SYNPO2: variants seen among roughly 807,000 people sequenced by gnomAD.
SYNPO2 encodes the protein synaptopodin-2.
In SYNPO2, 56 loss-of-function variants were observed where a neutral mutation model predicts 85.0. The observed-to-expected ratio is 0.66, with a 90% CI of 0.53 to 0.82. The LOEUF (loss-of-function observed/expected upper bound fraction) is 0.82, where lower values mean the gene tolerates loss of function less well. SYNPO2 is among the 40% of genes least tolerant of loss of function. The pLI is 0.00. For missense variants in SYNPO2, 1,575 were observed against 1,534.2 expected (o/e 1.03, Z -0.44); for synonymous variants, 602 against 591.1 (o/e 1.02, Z -0.27).
chr4:118,967,354 A>T (rs906858367), intron 1 of SYNPO2, among the ~76,000 whole-genome samples: 1 of 152,346 alleles, frequency 6.6e-6, no homozygotes, highest in South Asian at 2.1e-4. Context: ...TAGCTCTGAC[A>T]TTCCCTGAGA....
chr4:118,881,862 T>C (rs1277066393), intron 1 of SYNPO2, among the ~76,000 whole-genome samples: 2 of 152,230 alleles, frequency 1.3e-5, no homozygotes, highest in African/African-American at 4.8e-5. Context: ...GTTTCATTCC[T>C]GGAAACCACA....
chr4:119,025,436 C>A (rs182306109), intron 2 of SYNPO2, among the ~76,000 whole-genome samples: 2 of 152,058 alleles, frequency 1.3e-5, no homozygotes, highest in African/African-American at 2.4e-5. Context: ...CAATTACTTG[C>A]GTATAGAGAA....
At chr4:118,961,258 G>T (rs2149148166) in intron 1 of SYNPO2, among the ~76,000 whole-genome samples, 1 of 152,164 alleles carries the variant, frequency 6.6e-6, no homozygotes, top group East Asian at 1.9e-4. Context: ...CAGAGAATGA[G>T]ATGTCACTAG....
At chr4:118,874,046 G>A (rs1731853330) in intron 1 of SYNPO2, among the ~76,000 whole-genome samples, 1 of 152,076 alleles carries the variant, frequency 6.6e-6, no homozygotes, top group African/African-American at 2.4e-5. Context: ...TTTTATTTCT[G>A]GGTTCTCCAT....
rs545842197 is a variant in SYNPO2, at chr4:118,948,652, C to T, written c.105+59511C>T. On this transcript the variant is annotated intron_variant, in intron 1 of 4. Transcript: ENST00000307142. ...GGGGAAGGGGAGCAGGCATCAATTG[C>T]GAAGGAAAAAGAGAGAGGAAAGAGG... Among the ~76,000 whole-genome samples the T allele has an allele frequency of 2.6e-5, 4 of 151,852 alleles. No individual in the cohort carries two copies. The East Asian group carries it at 5.8e-4, about 22-fold the overall frequency.
chr4:119,051,191 T>TTTTG (rs1739028115), intron 4 of SYNPO2, among the ~76,000 whole-genome samples: 4 of 135,404 alleles, frequency 3.0e-5, no homozygotes, highest in African/African-American at 5.5e-5. Flanking sequence ...AAGCAATTTT[T>TTTTG]TTTTTTTTTT....
intron 3 of SYNPO2, among the ~76,000 whole-genome samples, chr4:119,028,218 G>GTTTTT (rs1294524372): frequency 9.2e-6 from 1 of 108,756 alleles, no homozygotes; most frequent in African/African-American, 3.5e-5. Context: ...GTTTATTTTT[G>GTTTTT]TTTGTTTTTT....
At chr4:118,858,529 C>T (rs1232390119) in intron 1 of SYNPO2, among the ~76,000 whole-genome samples, 1 of 152,104 alleles carries the variant, frequency 6.6e-6, no homozygotes, top group East Asian at 1.9e-4. Flanking sequence ...GAAGGCCTGC[C>T]ACTCCAGGAT....
intron 4 of SYNPO2, chr4:119,033,449 G>C: frequency 1.0e-6 from 1 of 985,386 alleles, no homozygotes. Flanking sequence ...TAAACCTGAA[G>C]ACCTTTCTCA....
At position 118,960,636 on chromosome 4, in the gene SYNPO2, G is replaced by A. The variant is rs537352302; in HGVS notation, c.106-62794G>A. The stretch of plus-strand genomic sequence containing the variant: ...ATCTAACTGCCTACTGGACATCTCC[G>A]CTTGAATATCTAATGGGCGTCTCAA... On this transcript the variant is annotated intron_variant, in intron 1 of 4. Coordinates refer to ENST00000307142, the MANE Select transcript of SYNPO2 (RefSeq NM_133477.3). Among the ~76,000 whole-genome samples, 15 of 152,096 alleles carry A rather than the reference G, an allele frequency of 9.9e-5. 1 individual carries two copies. The highest frequency in any genetic ancestry group is 5.2e-4 in the Admixed American group (8 of 15,292).
chr4:118,976,937 A>G (rs914045950), intron 1 of SYNPO2, among the ~76,000 whole-genome samples: 1 of 148,828 alleles, frequency 6.7e-6, no homozygotes, highest in African/African-American at 2.4e-5. Flanking sequence ...TGAGCTAGAT[A>G]ATAAAGACTC....
At chr4:118,977,094 G>A (rs1024639876) in intron 1 of SYNPO2, among the ~76,000 whole-genome samples, 7 of 152,236 alleles carry the variant, frequency 4.6e-5, no homozygotes, top group Non-Finnish European at 1.0e-4. Context: ...GCGCCGTGGA[G>A]CAGGGGGTGG....
At chr4:119,010,467 G>A (rs773500262) in intron 1 of SYNPO2, among the ~76,000 whole-genome samples, 2 of 152,098 alleles carry the variant, frequency 1.3e-5, no homozygotes, top group East Asian at 1.9e-4. Context: ...ACAATATGGG[G>A]GAACTACCCC....
rs116209778 is a variant in SYNPO2 at position 118,913,989 on chromosome 4, C to T, written c.105+24848C>T. Among the ~76,000 whole-genome samples the T allele has an allele frequency of 4.9e-3, 748 of 152,098 alleles. 3 individuals carry two copies. Among genetic ancestry groups the T allele is most frequent in the African/African-American group, 0.017 (718 of 41,518 alleles). ...CTTGGAGAATGGTGATTACCATACG[C>T]CATGTGAGAAATAATAGGATTCTAG... On this transcript the variant is annotated intron_variant, in intron 1 of 4. Transcript: ENST00000307142.
At chr4:118,856,193 G>A (rs796804743) in intron 1 of SYNPO2, among the ~76,000 whole-genome samples, 8 of 152,164 alleles carry the variant, frequency 5.3e-5, no homozygotes, top group Non-Finnish European at 1.2e-4. Context: ...AGCACTGTGT[G>A]CAAGTAACAT....
intron 1 of SYNPO2, among the ~76,000 whole-genome samples, chr4:118,987,196 A>T: frequency 6.6e-6 from 1 of 152,228 alleles, no homozygotes; most frequent in Non-Finnish European, 1.5e-5. Context: ...ATAAAAGAAG[A>T]ACTAGTCTAA....
intron 1 of SYNPO2, among the ~76,000 whole-genome samples, chr4:118,912,680 C>T (rs1203346290): frequency 6.6e-6 from 1 of 152,062 alleles, no homozygotes; most frequent in Non-Finnish European, 1.5e-5. Context: ...CCTGAAAGCC[C>T]TAGCTAGAAC....
At chr4:118,929,835 A>T (rs1384457507) in intron 1 of SYNPO2, among the ~76,000 whole-genome samples, 5 of 152,164 alleles carry the variant, frequency 3.3e-5, no homozygotes, top group Non-Finnish European at 7.4e-5. Context: ...TTTATCGTGG[A>T]TGCATACATT....
At chr4:118,854,891 A>T (rs1379880852) in intron 1 of SYNPO2, among the ~76,000 whole-genome samples, 1 of 152,138 alleles carries the variant, frequency 6.6e-6, no homozygotes, top group Non-Finnish European at 1.5e-5. Flanking sequence ...AGAAGTAGGT[A>T]CTTTCTCCTT....
Sources: gnomAD v4.1 joint callset for allele counts (sites outside exome capture counted in the v4.1 genomes callset) on GRCh38, gnomAD v4.1.1 for gene constraint, MANE v1.5 for transcripts, NCBI Gene and HGNC (gene_info 2026-07-23, HGNC 2026-07-21) for gene names.